Variants in THBS1 observed in about 807,000 individuals in gnomAD.
THBS1 encodes the protein thrombospondin 1.
In THBS1, 29 loss-of-function variants were observed where a neutral mutation model predicts 126.1. The observed-to-expected ratio is 0.23, with a 90% CI of 0.17 to 0.31. THBS1 has a LOEUF of 0.31. Among genes scored for constraint, THBS1 ranks in the 10% least tolerant of loss-of-function variants. The pLI is 1.00. For missense variants in THBS1, 1,198 were observed against 1,545.2 expected, an observed-to-expected ratio of 0.78 and a Z score of 3.77; for synonymous variants, 496 against 577.8, an observed-to-expected ratio of 0.86 and a Z score of 2.03.
intron 7 of THBS1, among the ~76,000 whole-genome samples, chr15:39,585,799 A>G (rs2140345074): frequency 6.6e-6 from 1 of 152,048 alleles, no homozygotes; most frequent in East Asian, 1.9e-4. Context: ...AGATCTTGGT[A>G]TAGCTCATTA....
intron 6 of THBS1, 109 bp from the exon 7 acceptor site, chr15:39,585,361 T>G (rs746496913): frequency 3.9e-4 from 357 of 918,060 alleles, no homozygotes; most frequent in Non-Finnish European, 5.6e-4. Flanking sequence ...CACTAGAGCA[T>G]TGACAGCCCT....
rs34145552 is a variant in THBS1 at position 39,594,340 on chromosome 15, A to G, written c.3405A>G (p.Ser1135=). 160 of 1,614,244 alleles carry G rather than the reference A, an allele frequency of 9.9e-5. No individual in the cohort carries two copies. The African/African-American group carries it at 1.8e-3, about 19-fold the overall frequency. The change falls in exon 21 of 22, where the codon TCA becomes TCG. Residue 1135 remains serine, a synonymous_variant. Coordinates refer to ENST00000260356, the MANE Select transcript of THBS1 (RefSeq NM_003246.4). The surrounding 1 kb of genome is among the most constrained non-coding windows in gnomAD (Gnocchi z 4.4). ...MYEGKKIMAD[S]GPIYDKTYAG... The stretch of plus-strand genomic sequence containing the variant: ...AAGGGAAGAAAATCATGGCTGACTC[A>G]GGACCCATCTATGATAAAACCTATG...
Position 39,585,539 on chromosome 15 carries a change from G to A in THBS1, c.1096G>A (p.Gly366Arg), listed in dbSNP as rs781626692. The change falls in exon 7 of 22, where the codon GGA becomes AGA. Residue 366 changes from glycine to arginine, a missense_variant. This residue lies in a region of THBS1 where 663 missense variants were observed against 860.1 expected (regional missense o/e 0.77). Transcript: ENST00000260356. ...CTGCTCCAATGCCACAGTTCCTGAT[G>A]GAGAATGCTGTCCTCGCTGTTGGCG... ...MPCSNATVPD[G>R]ECCPRCWPSD... 4 of 1,613,990 alleles carry A rather than the reference G, an allele frequency of 2.5e-6. No individual in the cohort carries two copies. The highest frequency in any genetic ancestry group is 2.2e-5 in the South Asian group (2 of 91,090).
In THBS1 at chr15:39,589,736, G is replaced by C; in HGVS notation, c.1927-69G>C. 6.8e-7 allele frequency: 1 copy of C among 1,470,046 alleles called. No homozygotes were observed. Among genetic ancestry groups the C allele is most frequent in the Admixed American group, 2.2e-5 (1 of 45,490 alleles). 91.1% of individuals were successfully genotyped at this position (1,470,046 alleles called of 1,614,324 possible). A position where few individuals can be genotyped will look rare whatever the true frequency, so the allele number is the denominator to read the frequency against. ...TCTACTCAGAGATGACAGGGATCTG[G>C]ATTCTTGTTTCCATGATATCTGAGG... On this transcript the variant is annotated intron_variant, in intron 12 of 21. Transcript: ENST00000260356. The surrounding 1 kb of genome is among the most constrained non-coding windows in gnomAD (Gnocchi z 4.7).
In THBS1 at chr15:39,584,266, C is replaced by T. The variant is rs746566172; in HGVS notation, c.904-34C>T. ...AGATGGTCCCAAATGACTGAAAATG[C>T]GGGGGGACACTAATGATATTCTCTC... On this transcript the variant is annotated intron_variant, in intron 5 of 21. Transcript: ENST00000260356. 6.2e-6 allele frequency: 10 copies of T among 1,614,082 alleles called. No individual in the cohort carries two copies. Among genetic ancestry groups the T allele is most frequent in the East Asian group, 2.2e-5 (1 of 44,892 alleles).
In THBS1 at chr15:39,595,455, G is replaced by T; in HGVS notation, c.*86G>T. ...ACTATGGGCTTGAGAAAACCCCCAGGATCACTTCTCCTTGGCTTCCTTCTT... is the reference window on the plus strand; with the variant it reads ...ACTATGGGCTTGAGAAAACCCCCAGTATCACTTCTCCTTGGCTTCCTTCTT... On this transcript the variant is annotated 3_prime_UTR_variant, in exon 22 of 22. Coordinates refer to ENST00000260356, the MANE Select transcript of THBS1 (RefSeq NM_003246.4). 1 of 1,460,568 alleles carries T rather than the reference G, an allele frequency of 6.8e-7. No homozygotes were observed. 90.5% of individuals were successfully genotyped at this position (1,460,568 alleles called of 1,614,324 possible). A position where few individuals can be genotyped will look rare whatever the true frequency, so the allele number is the denominator to read the frequency against.
chr15:39,582,875 G>C (rs895695859), intron 3 of THBS1, 123 bp downstream of exon 3: 2 of 1,128,088 alleles, frequency 1.8e-6, no homozygotes, highest in Non-Finnish European at 1.2e-6. Flanking sequence ...TAGGCAGCAT[G>C]AGCATCACCT....
rs757234170 is a variant in THBS1 at position 39,583,995 on chromosome 15, T to C, written c.711T>C (p.Ser237=). The C allele has an allele frequency of 1.9e-6, 3 of 1,614,214 alleles. No individual in the cohort carries two copies. Among genetic ancestry groups the C allele is most frequent in the South Asian group, 2.2e-5 (2 of 91,082 alleles). Reference sequence around the variant, plus strand: ...CATTTTGTTTCTTGCCAGCTACCAGTGTCCTCCTCACCCTTGACAACAACG... The same window carrying C: ...CATTTTGTTTCTTGCCAGCTACCAGCGTCCTCCTCACCCTTGACAACAACG... ...LRNKGCSSST[S]VLLTLDNNVV... The change falls in exon 5 of 22, where the codon AGT becomes AGC. Residue 237 remains serine (S), a synonymous_variant. Coordinates refer to ENST00000260356, the MANE Select transcript of THBS1 (RefSeq NM_003246.4).
Position 39,587,535 on chromosome 15 carries a change from C to T in THBS1, c.1294+15C>T, listed in dbSNP as rs902835875. On this transcript the variant is annotated intron_variant, in intron 8 of 21. Transcript: ENST00000260356. ...TGACAAGAGATGTAAGCATCTTAGC[C>T]TCTCAGGGACGTGGAGAACTGACCT... 5.6e-6 allele frequency: 9 copies of T among 1,602,002 alleles called. No individual in the cohort carries two copies. The East Asian group carries it at 1.8e-4, about 32-fold the overall frequency.
intron 7 of THBS1, 56 bp downstream of exon 7, chr15:39,585,619 A>G (rs1890195892): frequency 1.3e-6 from 2 of 1,525,460 alleles, no homozygotes; most frequent in Admixed American, 3.4e-5. Context: ...TTCTACATAC[A>G]TCCTAGACAG....
chr15:39,583,774 G>T, intron 4 of THBS1, 82 bp downstream of exon 4: 1 of 1,459,620 alleles, frequency 6.9e-7, no homozygotes, highest in Admixed American at 1.8e-5. Context: ...TAGCAATAGT[G>T]GTTATACATA....
intron 2 of THBS1, 50 bp from the exon 3 acceptor site, chr15:39,582,143 T>G (rs1158578472): frequency 1.3e-6 from 2 of 1,541,102 alleles, no homozygotes; most frequent in Middle Eastern, 1.8e-4. Context: ...AGCCCCCTAC[T>G]GCTGGTCCCA....
intron 8 of THBS1, 143 bp downstream of exon 8, chr15:39,587,663 G>C (rs1890234896): frequency 1.2e-6 from 1 of 853,680 alleles, no homozygotes; most frequent in East Asian, 2.7e-5. Flanking sequence ...GTGCACCCTT[G>C]AACACAACTT....
In THBS1 at chr15:39,583,617, G is replaced by T. The variant is rs1044463148; in HGVS notation, c.628G>T (p.Gly210Trp). 6.2e-7 allele frequency: 1 copy of T among 1,613,520 alleles called. No homozygotes were observed. Among genetic ancestry groups the T allele is most frequent in the Non-Finnish European group, 8.5e-7 (1 of 1,179,708 alleles). Residue 210 changes from glycine to tryptophan, a missense_variant and splice_region_variant, in exon 4 of 22, where the codon GGG becomes TGG. Physicochemically the swap from Gly to Trp is radical, Grantham distance 184. Transcript: ENST00000260356. ...AKGGVNDNFQ[G>W]VLQNVRFVFG... ...AGTAATGTGTGTCCTCTGCCCACAG[G>T]GGGTGCTGCAGAATGTGAGGTTTGT...
At position 39,582,718 on chromosome 15, in the gene THBS1, G is replaced by A. The variant is rs376244711; in HGVS notation, c.593G>A (p.Arg198His). ...TRDLASIARL[R>H]IAKGGVNDNF... ...GACCTGGCCAGCATCGCCAGACTCC[G>A]CATCGCAAAGGGGGGCGTCAATGAC... Residue 198 changes from arginine (R) to histidine (H), a missense_variant, in exon 3 of 22, where the codon CGC (arginine) becomes CAC (histidine). Arg to His is a conservative substitution (Grantham distance 29, BLOSUM62 0). This residue lies in a region of THBS1 where 271 missense variants were observed against 277.0 expected (regional missense o/e 0.98). Transcript: ENST00000260356. The A allele has an allele frequency of 4.3e-6, 7 of 1,612,654 alleles. No homozygotes were observed. Among genetic ancestry groups the A allele is most frequent in the Admixed American group, 1.7e-5 (1 of 59,988 alleles).
At chr15:39,582,072 C>T in intron 2 of THBS1, 121 bp from the exon 3 acceptor site, 1 of 1,330,126 alleles carries the variant, frequency 7.5e-7, no homozygotes, top group Non-Finnish European at 1.0e-6. Flanking sequence ...TATTTATTCA[C>T]CTCTTTCAGT....
chr15:39,583,566 A>AAAC, intron 3 of THBS1, 51 bp from the exon 4 acceptor site: 2 of 716,646 alleles, frequency 2.8e-6, no homozygotes, highest in Admixed American at 1.9e-5. Context: ...CCCCAACCCC[A>AAAC]TCCCCACCCC....
chr15:39,586,502 C>T (rs1042423355), intron 7 of THBS1: 3 of 152,252 alleles, frequency 2.0e-5, no homozygotes, highest in East Asian at 1.9e-4. Flanking sequence ...TGATTGTAGC[C>T]GTGGTGCCTG....
In THBS1 at chr15:39,596,084, G is replaced by A; in HGVS notation, c.*715G>A. On this transcript the variant is annotated 3_prime_UTR_variant, in exon 22 of 22. Transcript: ENST00000260356. ...TGCAGTGGCCAGAATTAGGGAATCA[G>A]AATCAAACCAGTGTAAGGCAGTGCT... is the stretch of plus-strand genomic sequence containing the variant. The A allele has an allele frequency of 2.8e-6, 1 of 354,564 alleles. No homozygotes were observed. Among genetic ancestry groups the A allele is most frequent in the South Asian group, 2.2e-5 (1 of 46,274 alleles). 22.0% of individuals were successfully genotyped at this position (354,564 alleles called of 1,614,324 possible). A position where few individuals can be genotyped will look rare whatever the true frequency, so the allele number is the denominator to read the frequency against.
Sources: allele counts gnomAD v4.1 joint callset (sites outside exome capture counted in the v4.1 genomes callset), GRCh38; gene constraint gnomAD v4.1.1; regional missense constraint gnomAD v4.1.1; non-coding constraint Gnocchi (gnomAD v3.1); transcripts MANE v1.5; gene names NCBI Gene and HGNC (gene_info 2026-07-23, HGNC 2026-07-21).